HUWE1: variants seen among roughly 807,000 people sequenced by gnomAD.
The protein encoded by HUWE1 is HECT, UBA and WWE domain containing E3 ubiquitin protein ligase 1, also known as E3 ubiquitin-protein ligase HUWE1.
HUWE1 carries 18 observed loss-of-function variants against 299.4 expected under a neutral mutation model. That is an observed-to-expected ratio of 0.06 (90% CI 0.04 to 0.09). The LOEUF (loss-of-function observed/expected upper bound fraction) is 0.09, where lower values mean the gene tolerates loss of function less well. HUWE1 is among the 10% of genes least tolerant of loss of function. The probability of loss-of-function intolerance (pLI) is 1.00; values close to 1 mark genes in which losing one functional copy is unlikely to be tolerated. For missense variants in HUWE1, 1,832 were observed against 3,462.3 expected (o/e 0.53, Z 11.82); for synonymous variants, 1,317 against 1,286.1 (o/e 1.02, Z -0.51).
At chrX:53,582,406 C>G (rs1330688622) in intron 42 of HUWE1, among the ~76,000 whole-genome samples, 1 of 112,242 alleles carries the variant, frequency 8.9e-6, no homozygotes, top group Non-Finnish European at 1.9e-5. Context: ...TGAAATCAAG[C>G]AGGCTGTGTA....
intron 37 of HUWE1, among the ~76,000 whole-genome samples, chrX:53,587,417 T>C (rs1602900420): frequency 8.9e-6 from 1 of 112,389 alleles, no homozygotes; most frequent in East Asian, 2.8e-4. Context: ...TTAAATAAAT[T>C]AGAGAACATT....
chrX:53,564,628 G>A lies in HUWE1; in HGVS notation c.6975C>T (p.Thr2325=). 4 of 1,211,235 alleles carry A rather than the reference G, an allele frequency of 3.3e-6. No individual in the cohort carries two copies. Among genetic ancestry groups the A allele is most frequent in the Non-Finnish European group, 3.4e-6 (3 of 895,344 alleles). ...GCTGCCCAGCAATCACCACTGAGTC[G>A]GTTTCAGCCTCCCCATCCATGATAT... The part of the protein sequence containing the change: ...DGDIMDGEAE[T]DSVVIAGQPE... Residue 2325 remains threonine (T), a synonymous_variant, in exon 51 of 84, where the codon ACC becomes ACT. Coordinates refer to ENST00000262854, the MANE Select transcript of HUWE1 (RefSeq NM_031407.7).
chrX:53,628,992 A>G (rs1438920256), intron 13 of HUWE1, 90 bp from the exon 14 acceptor site: 4 of 777,451 alleles, frequency 5.1e-6, no homozygotes, highest in Admixed American at 2.6e-5. Context: ...ACTTTAAAAT[A>G]TAAGTCATTC....
intron 66 of HUWE1, among the ~76,000 whole-genome samples, chrX:53,549,743 G>GC (rs781934827): frequency 9.2e-5 from 10 of 108,912 alleles, no homozygotes; most frequent in Non-Finnish European, 1.9e-4. Context: ...AGAGAATGAA[G>GC]CCCCCCACCC....
At chrX:53,584,970 T>G (rs376022894) in intron 40 of HUWE1, 42 bp downstream of exon 40, 1 of 1,196,636 alleles carries the variant, frequency 8.4e-7, no homozygotes, top group African/African-American at 1.8e-5. Context: ...ATATGTGGCC[T>G]GTGGTCCACG....
intron 3 of HUWE1, among the ~76,000 whole-genome samples, chrX:53,671,994 A>G (rs1282112358): frequency 9.1e-6 from 1 of 109,417 alleles, no homozygotes; most frequent in African/African-American, 3.3e-5. Flanking sequence ...AACTGGTTAA[A>G]TAAATTCTGC....
Position 53,584,175 on chromosome X carries a change from T to G in HUWE1, c.5161+11A>C, listed in dbSNP as rs2063754928. ...CACATTAGCTTTAGGTAAAACACTC[T>G]TGGTACATACCATTGCCTTTATTTT... On this transcript the variant is annotated intron_variant, in intron 41 of 83. Transcript: ENST00000262854. 1 of 1,205,150 alleles carries G rather than the reference T, an allele frequency of 8.3e-7. No homozygotes were observed. Among genetic ancestry groups the G allele is most frequent in the Non-Finnish European group, 1.1e-6 (1 of 889,678 alleles).
rs1556916570 is a variant in HUWE1, at chrX:53,539,637, G to A, written c.11632+20C>T. The A allele has an allele frequency of 2.5e-6, 3 of 1,207,652 alleles. No individual in the cohort carries two copies. The highest frequency in any genetic ancestry group is 3.4e-6 in the Non-Finnish European group (3 of 893,150). On this transcript the variant is annotated intron_variant, in intron 75 of 83. Coordinates refer to ENST00000262854, the MANE Select transcript of HUWE1 (RefSeq NM_031407.7). ...AGCAGACCACTGGGTTGGGACCTGG[G>A]CCTTTAGGACACAACTCACCTAGCA...
At chrX:53,573,275 T>C (rs1303364837) in intron 47 of HUWE1, among the ~76,000 whole-genome samples, 3 of 111,552 alleles carry the variant, frequency 2.7e-5, no homozygotes, top group African/African-American at 9.8e-5. Context: ...TTTGCTCTTA[T>C]CACCCAGGCA....
chrX:53,573,697 C>G, intron 47 of HUWE1, 53 bp downstream of exon 47: 1 of 1,017,930 alleles, frequency 9.8e-7, no homozygotes, highest in Non-Finnish European at 1.4e-6. Flanking sequence ...ACAGGCGGTA[C>G]CCAAATGATG....
chrX:53,614,265 C>A (rs2065669535), intron 23 of HUWE1, among the ~76,000 whole-genome samples: 1 of 109,753 alleles, frequency 9.1e-6, no homozygotes, highest in Non-Finnish European at 1.9e-5. Context: ...AACTCTCTCT[C>A]AAAAAAATCA....
intron 47 of HUWE1, among the ~76,000 whole-genome samples, chrX:53,571,441 A>C (rs951565755): frequency 9.0e-6 from 1 of 111,149 alleles, no homozygotes; most frequent in African/African-American, 3.3e-5. Context: ...GCAAGACCTC[A>C]AAAAATAAAA....
At chrX:53,544,965 G>C (rs917932608) in intron 71 of HUWE1, 64 bp downstream of exon 71, 34 of 1,144,190 alleles carry the variant, frequency 3.0e-5, no homozygotes, top group Non-Finnish European at 3.8e-5. Flanking sequence ...CAGGAAACCA[G>C]CAAGAGCCAT....
In HUWE1 at chrX:53,559,268, T is replaced by G; in HGVS notation, c.7915+86A>C. On this transcript the variant is annotated intron_variant, in intron 57 of 83. Transcript: ENST00000262854. ...GCTCCTATAAAATGGGGGTTTTCTA[T>G]AGGGCAGACACTGTCTTGCTTTTCC... 8 of 1,049,263 alleles carry G rather than the reference T, an allele frequency of 7.6e-6. No homozygotes were observed. In the South Asian group the frequency reaches 1.5e-4, roughly 20 times the overall value. 86.5% of individuals were successfully genotyped at this position (1,049,263 alleles called of 1,213,427 possible). A position where few individuals can be genotyped will look rare whatever the true frequency, so the allele number is the denominator to read the frequency against.
chrX:53,560,475 C>T (rs186114536), intron 55 of HUWE1, 59 bp from the exon 56 acceptor site: 690 of 1,020,226 alleles, frequency 6.8e-4, no homozygotes, highest in East Asian at 3.8e-3. Context: ...CATGTTTGTT[C>T]AAGCAGAATC....
chrX:53,599,332 T>A lies in HUWE1; in HGVS notation c.3163+786A>T, dbSNP rs2064689106. 4.5e-5 allele frequency among the ~76,000 whole-genome samples: 5 copies of A among 112,225 alleles called. No homozygotes were observed. The South Asian group carries it at 1.8e-3, about 42-fold the overall frequency. The stretch of plus-strand genomic sequence containing the variant: ...AGTAAAATGTAAAATGCAATGGGAA[T>A]TTGAGGTAACAAATGGAAACACCAA... On this transcript the variant is annotated intron_variant, in intron 29 of 83. Transcript: ENST00000262854.
At chrX:53,576,827 G>T (rs2063130311) in intron 44 of HUWE1, 73 bp downstream of exon 44, 1 of 1,075,158 alleles carries the variant, frequency 9.3e-7, no homozygotes, top group Non-Finnish European at 1.3e-6. Flanking sequence ...TAAGCCATGA[G>T]TTGGCTGAAA....
intron 7 of HUWE1, among the ~76,000 whole-genome samples, chrX:53,641,755 T>C (rs1294624867): frequency 1.8e-5 from 2 of 111,999 alleles, no homozygotes; most frequent in Non-Finnish European, 3.8e-5. Context: ...AACAAGATTT[T>C]TAAAATAATT....
At chrX:53,562,308 G>A (rs782449358) in intron 53 of HUWE1, 64 bp from the exon 54 acceptor site, 26 of 1,168,544 alleles carry the variant, frequency 2.2e-5, no homozygotes, top group Non-Finnish European at 3.0e-5. Flanking sequence ...TACTGTGCAG[G>A]CCAGCAGGCT....
Sources: allele counts gnomAD v4.1 joint callset (sites outside exome capture counted in the v4.1 genomes callset), GRCh38; gene constraint gnomAD v4.1.1; transcripts MANE v1.5; gene names NCBI Gene and HGNC (gene_info 2026-07-23, HGNC 2026-07-21).